The following ST7L variants were observed in gnomAD, a reference collection of about 807,000 sequenced individuals.
The protein encoded by ST7L is suppression of tumorigenicity 7 like, also known as suppressor of tumorigenicity 7 protein-like.
In ST7L, 57 loss-of-function variants were observed where a neutral mutation model predicts 72.5. The observed-to-expected ratio is 0.79, with a 90% CI of 0.64 to 0.98. The LOEUF is 0.98. Ranked by LOEUF, ST7L falls within the 50% of genes least tolerant of loss-of-function variation. The pLI is 0.00. For synonymous variants in ST7L, 221 were observed against 240.9 expected (o/e 0.92, Z 0.77); for missense variants, 576 against 672.2 (o/e 0.86, Z 1.58).
At chr1:112,556,617 G>A (rs1659152595) in intron 11 of ST7L, among the ~76,000 whole-genome samples, 1 of 152,110 alleles carries the variant, frequency 6.6e-6, no homozygotes, top group African/African-American at 2.4e-5. Flanking sequence ...ATAATGCAAT[G>A]GAAAAGACAG....
At chr1:112,581,067 T>G (rs996067382) in intron 9 of ST7L, among the ~76,000 whole-genome samples, 1 of 152,242 alleles carries the variant, frequency 6.6e-6, no homozygotes, top group South Asian at 2.1e-4. Context: ...TAAATTCCAG[T>G]TCCCTTATTC....
In ST7L at chr1:112,542,033, G is replaced by A. The variant is rs759821182; in HGVS notation, c.1547C>T (p.Thr516Ile). The change falls in exon 14 of 15, where the codon ACA (threonine) becomes ATA (isoleucine). Residue 516 changes from threonine to isoleucine, a missense_variant. Transcript: ENST00000358039. ...TGCTGTAGAAGAGCAAAATCCTGCT[G>A]TGAAATGGATGAACAAAGGAAGCTC... is the stretch of plus-strand genomic sequence containing the variant. ...KKELPLFIHF[T>I]AGFCSSTAMI... The A allele has an allele frequency of 9.3e-6, 15 of 1,613,734 alleles. No homozygotes were observed. The highest frequency in any genetic ancestry group is 2.5e-6 in the Non-Finnish European group (3 of 1,179,880).
At chr1:112,616,973 A>G in intron 1 of ST7L, 78 bp from the exon 2 acceptor site, 2 of 974,002 alleles carry the variant, frequency 2.1e-6, no homozygotes. Context: ...AAGTATCTTT[A>G]TGAGTGGTGG....
chr1:112,573,612 GA>G (rs1157124677), intron 11 of ST7L, among the ~76,000 whole-genome samples: 1 of 151,972 alleles, frequency 6.6e-6, no homozygotes, highest in Non-Finnish European at 1.5e-5. Flanking sequence ...TTCTCACAAA[GA>G]AAACTGAAGA....
intron 9 of ST7L, among the ~76,000 whole-genome samples, chr1:112,580,218 G>A (rs1663866903): frequency 6.6e-6 from 1 of 152,090 alleles, no homozygotes; most frequent in East Asian, 1.9e-4. Context: ...GTGCAATCTT[G>A]GTTCACTGCA....
rs760597401 is a variant in ST7L at position 112,610,981 on chromosome 1, T to C, written c.311A>G (p.His104Arg). The C allele has an allele frequency of 8.1e-6, 13 of 1,614,084 alleles. No homozygotes were observed. The African/African-American group carries it at 1.6e-4, about 20-fold the overall frequency. ...CTCAATAAAAGATGTGCCATGCTTA[T>C]GGAAGTACCACCATTCAAATATCTA... ...LIFIFEWWYF[H>R]KHGTSFIEQV... Residue 104 changes from histidine to arginine, a missense_variant, in exon 3 of 15, where the codon CAT (histidine) becomes CGT (arginine). By Grantham distance (29) the His-to-Arg change is conservative (BLOSUM62 0). Around this residue, in one of 3 missense-constraint regions of ST7L, gnomAD observed 511 missense variants for 600.7 expected, o/e 0.85. Coordinates refer to ENST00000358039, the MANE Select transcript of ST7L (RefSeq NM_017744.5).
At chr1:112,598,143 A>G (rs1208450980) in intron 4 of ST7L, 57 bp from the exon 5 acceptor site, 25 of 1,246,064 alleles carry the variant, frequency 2.0e-5, no homozygotes, top group Non-Finnish European at 2.7e-5. Flanking sequence ...TCTATCTGCT[A>G]TAACAGACAC....
intron 11 of ST7L, among the ~76,000 whole-genome samples, chr1:112,569,776 G>A (rs907250765): frequency 3.9e-5 from 6 of 152,082 alleles, no homozygotes; most frequent in Non-Finnish European, 7.4e-5. Flanking sequence ...GGCTAACATG[G>A]TGAAACCCCA....
intron 14 of ST7L, chr1:112,540,168 T>A (rs941954344): frequency 3.0e-6 from 3 of 985,316 alleles, no homozygotes; most frequent in Non-Finnish European, 3.6e-6. Context: ...ACAGTTGGTA[T>A]AGATCTATTC....
chr1:112,557,664 A>C (rs72994946), intron 11 of ST7L, among the ~76,000 whole-genome samples: 12 of 152,330 alleles, frequency 7.9e-5, no homozygotes, highest in Admixed American at 5.2e-4. Flanking sequence ...ATTATGATTT[A>C]GAGGCTAGAA....
Position 112,571,139 on chromosome 1 carries a change from C to T in ST7L, c.1245+5847G>A, listed in dbSNP as rs140903923. On this transcript the variant is annotated intron_variant, in intron 11 of 14. Transcript: ENST00000358039. ...GAGCCGAGATCAGCCCACTGCACTC[C>T]AGCCTGGATGACAGAGCGAGACTGT... 1.3e-3 allele frequency: 481 copies of T among 365,184 alleles called. 1 individual carries two copies. The highest frequency in any genetic ancestry group is 9.5e-3 in the African/African-American group (444 of 46,830). The allele number at this position is 365,184 out of a possible 1,614,324, so 22.6% of individuals were successfully genotyped here.
chr1:112,541,657 C>A (rs1570914518), intron 14 of ST7L: 4 of 461,362 alleles, frequency 8.7e-6, no homozygotes, highest in Non-Finnish European at 1.3e-5. Context: ...TTAAAAATAC[C>A]AAAGATAGTA....
chr1:112,541,184 C>T (rs572728907), intron 14 of ST7L, among the ~76,000 whole-genome samples: 48 of 151,858 alleles, frequency 3.2e-4, no homozygotes, highest in African/African-American at 1.1e-3. Context: ...ACTCGGGGGG[C>T]TGAGGCGGGA....
chr1:112,564,011 C>T (rs12137269), intron 11 of ST7L, among the ~76,000 whole-genome samples: 29,514 of 152,044 alleles, frequency 0.19, 3,586 homozygotes, highest in East Asian at 0.46. Context: ...CACAAAGAAC[C>T]AACTTATCTC....
At chr1:112,618,403 TTTC>T (rs140573402) in intron 1 of ST7L, 5,052 of 307,658 alleles carry the variant, frequency 0.016, 279 homozygotes, top group African/African-American at 0.11. Flanking sequence ...ACGAAAACGA[TTTC>T]TTAACAGAAC....
intron 1 of ST7L, chr1:112,617,149 G>A: frequency 4.3e-6 from 1 of 235,154 alleles, no homozygotes; most frequent in Non-Finnish European, 8.1e-6. Context: ...AATTTAGATA[G>A]AACTTTTGCA....
intron 11 of ST7L, among the ~76,000 whole-genome samples, chr1:112,559,210 T>C (rs901678996): frequency 6.6e-6 from 1 of 152,230 alleles, no homozygotes; most frequent in African/African-American, 2.4e-5. Flanking sequence ...AAGCTTATAT[T>C]ACAAAAAATA....
At chr1:112,556,149 C>A in intron 11 of ST7L, 131 bp from the exon 12 acceptor site, 1 of 669,472 alleles carries the variant, frequency 1.5e-6, no homozygotes. Context: ...AAAAAACTAA[C>A]TGAAATGACA....
intron 12 of ST7L, among the ~76,000 whole-genome samples, chr1:112,552,259 T>A (rs969972703): frequency 2.4e-5 from 2 of 81,724 alleles, no homozygotes; most frequent in African/African-American, 1.3e-4. Context: ...TCTGTTTTTT[T>A]TCCCCCCGAT....
Sources: allele counts gnomAD v4.1 joint callset (sites outside exome capture counted in the v4.1 genomes callset), GRCh38; gene constraint gnomAD v4.1.1; regional missense constraint gnomAD v4.1.1; transcripts MANE v1.5; gene names NCBI Gene and HGNC (gene_info 2026-07-23, HGNC 2026-07-21).